Variants in GRIN2B observed in about 807,000 individuals in gnomAD.
GRIN2B encodes glutamate receptor ionotropic, NMDA 2B.
In GRIN2B, 5 loss-of-function variants were observed where a neutral mutation model predicts 114.5. The observed-to-expected ratio is 0.04, with a 90% CI of 0.02 to 0.09. The LOEUF is 0.09. GRIN2B is among the 10% of genes least tolerant of loss of function. The pLI is 1.00. For missense variants in GRIN2B, 1,108 were observed against 1,943.5 expected, an observed-to-expected ratio of 0.57 and a Z score of 8.08; for synonymous variants, 787 against 745.1, an observed-to-expected ratio of 1.06 and a Z score of -0.92.
At chr12:13,799,986 A>G (rs184769990) in intron 3 of GRIN2B, among the ~76,000 whole-genome samples, 17 of 152,284 alleles carry the variant, frequency 1.1e-4, no homozygotes, top group Non-Finnish European at 2.1e-4. Context: ...TCTACTGAAC[A>G]ATACCAGCCA....
At chr12:13,973,276 G>C (rs896164456) in intron 2 of GRIN2B, among the ~76,000 whole-genome samples, 1 of 152,116 alleles carries the variant, frequency 6.6e-6, no homozygotes, top group African/African-American at 2.4e-5. Flanking sequence ...AGATTAATGG[G>C]AACTTTAAGC....
chr12:13,811,348 C>T (rs1864725484), intron 3 of GRIN2B, among the ~76,000 whole-genome samples: 1 of 152,172 alleles, frequency 6.6e-6, no homozygotes, highest in African/African-American at 2.4e-5. Flanking sequence ...CTTTAGGAAG[C>T]TGAGCCAGGA....
chr12:13,707,104 T>C (rs1950366809), intron 4 of GRIN2B, among the ~76,000 whole-genome samples: 1 of 152,144 alleles, frequency 6.6e-6, no homozygotes, highest in African/African-American at 2.4e-5. Flanking sequence ...CACAAGATCG[T>C]AATTAAAGTG....
chr12:13,771,060 T>C (rs898523380), intron 3 of GRIN2B, among the ~76,000 whole-genome samples: 4 of 152,280 alleles, frequency 2.6e-5, no homozygotes, highest in Admixed American at 1.3e-4. Context: ...AAAATTCCCA[T>C]ATGTCATAGG....
intron 8 of GRIN2B, among the ~76,000 whole-genome samples, chr12:13,612,589 G>T (rs1002000398): frequency 1.3e-5 from 2 of 152,244 alleles, no homozygotes; most frequent in African/African-American, 4.8e-5. Flanking sequence ...CCCCCATTAT[G>T]AAGTGATAGG....
At chr12:13,672,765 A>G (rs74811907) in intron 5 of GRIN2B, among the ~76,000 whole-genome samples, 321 of 152,246 alleles carry the variant, frequency 2.1e-3, no homozygotes, top group African/African-American at 7.1e-3. Flanking sequence ...AAAAAGATTA[A>G]CCACAGAATT....
chr12:13,737,945 T>G (rs1316627188), intron 4 of GRIN2B, among the ~76,000 whole-genome samples: 2 of 152,222 alleles, frequency 1.3e-5, no homozygotes, highest in Admixed American at 6.5e-5. Flanking sequence ...GTTTCAAAGC[T>G]ATACCTTGGC....
At chr12:13,755,097 T>C (rs1050657901) in intron 3 of GRIN2B, among the ~76,000 whole-genome samples, 7 of 152,304 alleles carry the variant, frequency 4.6e-5, no homozygotes, top group Admixed American at 6.5e-5. Context: ...TTTATAGCAA[T>C]CCAGGCTAAC....
At chr12:13,957,917 A>G (rs1038067599) in intron 2 of GRIN2B, among the ~76,000 whole-genome samples, 6 of 152,188 alleles carry the variant, frequency 3.9e-5, no homozygotes, top group Non-Finnish European at 8.8e-5. Context: ...ACGAATCTGG[A>G]GCTGACATGT....
intron 3 of GRIN2B, among the ~76,000 whole-genome samples, chr12:13,826,918 T>C (rs749287342): frequency 1.1e-4 from 16 of 152,014 alleles, no homozygotes; most frequent in Non-Finnish European, 2.2e-4. Flanking sequence ...CTCAGCTTTT[T>C]TTTTCCTCTG....
chr12:13,635,613 C>A (rs1303419344), intron 5 of GRIN2B, among the ~76,000 whole-genome samples: 1 of 152,172 alleles, frequency 6.6e-6, no homozygotes, highest in Non-Finnish European at 1.5e-5. Context: ...AGAGTACAAG[C>A]ACAGAAGGAT....
At position 13,563,419 on chromosome 12, in the gene GRIN2B, C is replaced by T. The variant is rs1555101910; in HGVS notation, c.3819G>A (p.Thr1273=). ...GGTACTTAGTGGTGGAGGCGTTTGA[C>T]GTCACCGCCACTGGGGCAGCCGGCT... The part of the protein sequence containing the change: ...LDQPAAPVAV[T]SNASTTKYPQ... Residue 1273 remains threonine (T), a synonymous_variant, in exon 14 of 14, where the codon ACG becomes ACA. Coordinates refer to ENST00000609686, the MANE Select transcript of GRIN2B (RefSeq NM_000834.5). The T allele has an allele frequency of 6.2e-7, 1 of 1,614,184 alleles. No individual in the cohort carries two copies. Among genetic ancestry groups the T allele is most frequent in the Non-Finnish European group, 8.5e-7 (1 of 1,180,034 alleles).
In GRIN2B at chr12:13,600,884, C is replaced by A. The variant is rs1805517; in HGVS notation, c.2010+7719G>T. Among the ~76,000 whole-genome samples the A allele has an allele frequency of 6.8e-3, 1,037 of 152,254 alleles. 11 individuals are homozygous for A. The highest frequency in any genetic ancestry group is 0.024 in the African/African-American group (978 of 41,532). ...GCAAAAGGGAGCACACAATGACACTCAGGTTTTGTATTGTCTCCCTAAAAT... is the reference window on the plus strand; with the variant it reads ...GCAAAAGGGAGCACACAATGACACTAAGGTTTTGTATTGTCTCCCTAAAAT... On this transcript the variant is annotated intron_variant, in intron 10 of 13. Transcript: ENST00000609686.
chr12:13,563,717 G>T lies in GRIN2B; in HGVS notation c.3521C>A (p.Thr1174Asn). The T allele has an allele frequency of 6.2e-7, 1 of 1,613,618 alleles. No individual in the cohort carries two copies. The highest frequency in any genetic ancestry group is 8.5e-7 in the Non-Finnish European group (1 of 1,179,984). The change falls in exon 14 of 14, where the codon ACC becomes AAC. Residue 1174 changes from threonine to asparagine, a missense_variant. By Grantham distance (65) the Thr-to-Asn change is moderately conservative. Coordinates refer to ENST00000609686, the MANE Select transcript of GRIN2B (RefSeq NM_000834.5). ...CCCGTGCTTGATGTGAGACCTGTTG[G>T]TACAGGGCCCTCCTCCGCTGACGGA... Reference protein sequence around the residue: ...RDSVSGGGPCTNRSHIKHGTG... With the variant: ...RDSVSGGGPCNNRSHIKHGTG...
chr12:13,886,620 C>T lies in GRIN2B; in HGVS notation c.-18-20394G>A, dbSNP rs566460281. Among the ~76,000 whole-genome samples the T allele has an allele frequency of 6.6e-5, 10 of 152,252 alleles. No homozygotes were observed. In the East Asian group the frequency reaches 1.9e-3, roughly 29 times the overall value. On this transcript the variant is annotated intron_variant, in intron 2 of 13. Coordinates refer to ENST00000609686, the MANE Select transcript of GRIN2B (RefSeq NM_000834.5). ...AAGAATGAGAAGCAGAACCGAGTTC[C>T]CGCAGCCAGCAGGGAAAGGAGACAA...
intron 2 of GRIN2B, among the ~76,000 whole-genome samples, chr12:13,977,946 T>C (rs981929268): frequency 6.6e-6 from 1 of 152,072 alleles, no homozygotes; most frequent in African/African-American, 2.4e-5. Context: ...CCTCGCCTAG[T>C]CTTAGGGACA....
intron 4 of GRIN2B, among the ~76,000 whole-genome samples, chr12:13,715,949 C>T (rs1462089908): frequency 6.6e-6 from 1 of 151,832 alleles, no homozygotes; most frequent in Non-Finnish European, 1.5e-5. Context: ...TTTCTTCCAG[C>T]ATTTGCTTAC....
chr12:13,579,297 A>T (rs910192609), intron 10 of GRIN2B, among the ~76,000 whole-genome samples: 1 of 152,076 alleles, frequency 6.6e-6, no homozygotes, highest in Non-Finnish European at 1.5e-5. Flanking sequence ...TGTGCAAAGG[A>T]GTTTAGAGTT....
At chr12:13,797,351 T>G (rs892897519) in intron 3 of GRIN2B, among the ~76,000 whole-genome samples, 2 of 152,172 alleles carry the variant, frequency 1.3e-5, no homozygotes, top group African/African-American at 4.8e-5. Flanking sequence ...GGGGTTAGGA[T>G]TTCAACATAT....
Sources: gnomAD v4.1 joint callset for allele counts (sites outside exome capture counted in the v4.1 genomes callset) on GRCh38, gnomAD v4.1.1 for gene constraint, MANE v1.5 for transcripts, NCBI Gene and HGNC (gene_info 2026-07-23, HGNC 2026-07-21) for gene names.